The following MEIKIN variants were observed in gnomAD, a reference collection of about 807,000 sequenced individuals.
The protein encoded by MEIKIN is meiotic kinetochore factor, also known as meiosis-specific kinetochore protein.
intron 11 of MEIKIN, among the ~76,000 whole-genome samples, chr5:131,834,466 C>A (rs1006485351): frequency 6.6e-6 from 1 of 152,114 alleles, no homozygotes; most frequent in Non-Finnish European, 1.5e-5. Context: ...AAAGTTGGTA[C>A]CCTTTGACCA....
At chr5:131,905,336 A>C (rs1751226225) in intron 8 of MEIKIN, among the ~76,000 whole-genome samples, 2 of 152,200 alleles carry the variant, frequency 1.3e-5, no homozygotes, top group African/African-American at 4.8e-5. Context: ...AGCTCACATC[A>C]AAAAGTCAGA....
intron 8 of MEIKIN, among the ~76,000 whole-genome samples, chr5:131,890,335 T>G (rs920450767): frequency 1.6e-4 from 25 of 152,254 alleles, no homozygotes; most frequent in African/African-American, 5.5e-4. Context: ...GGTCCTGGAC[T>G]TTTTTTGGTT....
chr5:131,823,414 T>C (rs1391383988), intron 11 of MEIKIN, among the ~76,000 whole-genome samples: 1 of 152,036 alleles, frequency 6.6e-6, no homozygotes, highest in Non-Finnish European at 1.5e-5. Flanking sequence ...TCTTTTCAAA[T>C]AGCCAGTCTT....
chr5:131,884,744 C>G (rs560349014), intron 8 of MEIKIN, among the ~76,000 whole-genome samples: 1 of 151,122 alleles, frequency 6.6e-6, no homozygotes, highest in Non-Finnish European at 1.5e-5. Flanking sequence ...TCCCTAATTC[C>G]AGGCCTTGGC....
intron 8 of MEIKIN, among the ~76,000 whole-genome samples, chr5:131,910,822 AAAGT>A (rs774297835): frequency 1.4e-4 from 22 of 152,102 alleles, no homozygotes; most frequent in Non-Finnish European, 2.6e-4. Flanking sequence ...TTACCATATA[AAAGT>A]AAGAATACAG....
intron 12 of MEIKIN, among the ~76,000 whole-genome samples, chr5:131,810,688 T>A (rs1248090949): frequency 1.3e-5 from 2 of 152,214 alleles, no homozygotes; most frequent in African/African-American, 4.8e-5. Context: ...GGACCATGCA[T>A]TGAGAAAGCT....
intron 11 of MEIKIN, among the ~76,000 whole-genome samples, chr5:131,841,539 C>T (rs1171190247): frequency 6.6e-6 from 1 of 152,112 alleles, no homozygotes; most frequent in Non-Finnish European, 1.5e-5. Flanking sequence ...ATGCCTCCAG[C>T]TTTGTTGTTT....
intron 11 of MEIKIN, among the ~76,000 whole-genome samples, chr5:131,845,167 C>A (rs1407492632): frequency 6.7e-6 from 1 of 148,998 alleles, no homozygotes; most frequent in Non-Finnish European, 1.5e-5. Context: ...CTACTCCAGA[C>A]ACTGAGGCAG....
chr5:131,934,032 G>A (rs1466744934), intron 4 of MEIKIN, among the ~76,000 whole-genome samples: 10 of 151,914 alleles, frequency 6.6e-5, no homozygotes, highest in African/African-American at 2.4e-4. Flanking sequence ...TACAACCTCC[G>A]CCTCCCGGGT....
At chr5:131,928,634 C>T (rs1751630960) in intron 5 of MEIKIN, among the ~76,000 whole-genome samples, 1 of 152,024 alleles carries the variant, frequency 6.6e-6, no homozygotes, top group South Asian at 2.1e-4. Context: ...AACTCGTATA[C>T]CAGAACTAAA....
In MEIKIN at chr5:131,919,207, A is replaced by T. The variant is rs577956183; in HGVS notation, c.599-2282T>A. Among the ~76,000 whole-genome samples, 5 of 151,578 alleles carry T rather than the reference A, an allele frequency of 3.3e-5. No individual in the cohort carries two copies. The East Asian group carries it at 5.8e-4, about 18-fold the overall frequency. On this transcript the variant is annotated intron_variant, in intron 6 of 12. Coordinates refer to ENST00000442687, the MANE Select transcript of MEIKIN (RefSeq NM_001303622.2). ...GTCACCTATTAGAGTAGCAAAAATT[A>T]AAAAAAAATATGACAACACATTCTG...
chr5:131,885,038 AG>A (rs749946666), intron 8 of MEIKIN, among the ~76,000 whole-genome samples: 1 of 152,178 alleles, frequency 6.6e-6, no homozygotes, highest in South Asian at 2.1e-4. Context: ...TAAACTGCTA[AG>A]GGTTTTCACT....
chr5:131,822,541 G>A (rs1326569325), intron 11 of MEIKIN, among the ~76,000 whole-genome samples: 1 of 152,036 alleles, frequency 6.6e-6, no homozygotes, highest in Non-Finnish European at 1.5e-5. Flanking sequence ...ACTTAACACT[G>A]CTTTCATAAA....
In MEIKIN at chr5:131,889,319, G is replaced by T. The variant is rs1428247006; in HGVS notation, c.704-10271C>A. 2.0e-5 allele frequency among the ~76,000 whole-genome samples: 3 copies of T among 152,144 alleles called. No homozygotes were observed. The East Asian group carries it at 5.8e-4, about 29-fold the overall frequency. On this transcript the variant is annotated intron_variant, in intron 8 of 12. Coordinates refer to ENST00000442687, the MANE Select transcript of MEIKIN (RefSeq NM_001303622.2). ...CCTGGGGCAGTATGGCCACTTTCATGATATTGATTCTTCCTACCCACGAGC... is the reference window on the plus strand; with the variant it reads ...CCTGGGGCAGTATGGCCACTTTCATTATATTGATTCTTCCTACCCACGAGC...
intron 4 of MEIKIN, among the ~76,000 whole-genome samples, chr5:131,935,126 T>G (rs1003744948): frequency 6.8e-6 from 1 of 147,306 alleles, no homozygotes; most frequent in Non-Finnish European, 1.5e-5. Context: ...GCAAATGGAC[T>G]GAAATCCAGA....
chr5:131,841,269 A>T (rs1580867959), intron 11 of MEIKIN, among the ~76,000 whole-genome samples: 1 of 152,258 alleles, frequency 6.6e-6, no homozygotes, highest in East Asian at 1.9e-4. Context: ...TGGTCTCTAC[A>T]ATCCAATGGG....
At chr5:131,911,938 A>AC (rs1159100366) in intron 7 of MEIKIN, 59 bp from the exon 8 acceptor site, 5 of 396,086 alleles carry the variant, frequency 1.3e-5, no homozygotes, top group Non-Finnish European at 2.2e-5. Context: ...ACTTTCAAAA[A>AC]CCCTCAAATA....
chr5:131,848,510 A>T (rs1750056459), intron 11 of MEIKIN, among the ~76,000 whole-genome samples: 1 of 152,188 alleles, frequency 6.6e-6, no homozygotes, highest in South Asian at 2.1e-4. Flanking sequence ...CTACAGAACT[A>T]GTAGGGAGAT....
At chr5:131,933,432 G>A (rs1222762571) in intron 5 of MEIKIN, 81 bp downstream of exon 5, 6 of 389,682 alleles carry the variant, frequency 1.5e-5, no homozygotes. Context: ...TCTCGAAAGG[G>A]ACGTTTATTC....
Sources: gnomAD v4.1 joint callset for allele counts (sites outside exome capture counted in the v4.1 genomes callset) on GRCh38, gnomAD v4.1.1 for gene constraint, MANE v1.5 for transcripts, NCBI Gene and HGNC (gene_info 2026-07-23, HGNC 2026-07-21) for gene names.